The following KLRF1 variants were observed in gnomAD, a reference collection of about 807,000 sequenced individuals.
The protein encoded by KLRF1 is killer cell lectin-like receptor subfamily F member 1.
KLRF1 carries 27 observed loss-of-function variants against 30.7 expected under a neutral mutation model. The ratio of observed to expected loss-of-function variants is 0.88; its 90% CI spans 0.65 to 1.21. The LOEUF (loss-of-function observed/expected upper bound fraction) is 1.21, where lower values mean the gene tolerates loss of function less well. KLRF1 is among the 50% of genes most tolerant of loss of function. The pLI is 0.00. For missense variants in KLRF1, 246 were observed against 259.3 expected, an observed-to-expected ratio of 0.95 and a Z score of 0.35; for synonymous variants, 92 against 89.3, an observed-to-expected ratio of 1.03 and a Z score of -0.17.
At chr12:9,839,005 C>T (rs149880058) in intron 3 of KLRF1, among the ~76,000 whole-genome samples, 9 of 152,142 alleles carry the variant, frequency 5.9e-5, no homozygotes, top group South Asian at 2.1e-4. Context: ...GATTTGGAGA[C>T]GGGGTCTTTA....
upstream of KLRF1, among the ~76,000 whole-genome samples, chr12:9,826,658 G>T (rs1467814708): frequency 6.6e-6 from 1 of 152,070 alleles, no homozygotes; most frequent in Non-Finnish European, 1.5e-5. Context: ...AAGAAAATGT[G>T]ATACACATAT....
chr12:9,809,224 A>G, the KLRF1 span, among the ~76,000 whole-genome samples: 1 of 152,172 alleles, frequency 6.6e-6, no homozygotes. Context: ...GGGAAATTCA[A>G]TGACCAACAA....
chr12:9,843,602 T>C (rs1168320502), intron 5 of KLRF1, among the ~76,000 whole-genome samples: 1 of 152,188 alleles, frequency 6.6e-6, no homozygotes, highest in East Asian at 1.9e-4. Flanking sequence ...CTGAACGTCA[T>C]GAAGTTGCCC....
Position 9,835,901 on chromosome 12 carries a change from G to A in KLRF1, c.334+2449G>A, listed in dbSNP as rs1177836866. On this transcript the variant is annotated intron_variant, in intron 3 of 5. Transcript: ENST00000617889. ...GGGCGGCAGCTTGCTGATATGAAAT[G>A]TCTGGGGAGGTCTTGCTGGACCTGT... 2.6e-5 allele frequency among the ~76,000 whole-genome samples: 4 copies of A among 152,110 alleles called. No individual in the cohort carries two copies. The East Asian group carries it at 7.7e-4, about 29-fold the overall frequency.
At chr12:9,807,801 A>G in the KLRF1 span, among the ~76,000 whole-genome samples, 1 of 152,118 alleles carries the variant, frequency 6.6e-6, no homozygotes, top group Admixed American at 6.6e-5. Context: ...TTTGAAAGAT[A>G]ATACAGATAG....
In KLRF1 at chr12:9,844,671, T is replaced by C; in HGVS notation, c.*145T>C. ...CTTCTCCCTCCATCATCGACACTGG[T>C]CTAGCCTCAGAGTAACCCCTGTTAA... On this transcript the variant is annotated 3_prime_UTR_variant, in exon 6 of 6. Transcript: ENST00000617889. 1 of 548,114 alleles carries C rather than the reference T, an allele frequency of 1.8e-6. No homozygotes were observed. Among genetic ancestry groups the C allele is most frequent in the South Asian group, 2.2e-5 (1 of 46,236 alleles). 34.0% of individuals were successfully genotyped at this position (548,114 alleles called of 1,614,324 possible). A position where few individuals can be genotyped will look rare whatever the true frequency, so the allele number is the denominator to read the frequency against.
At chr12:9,829,102 A>G (rs1160591223) in intron 1 of KLRF1, among the ~76,000 whole-genome samples, 3 of 152,178 alleles carry the variant, frequency 2.0e-5, no homozygotes, top group African/African-American at 7.2e-5. Flanking sequence ...ATATTTGTAA[A>G]TCTTTTCTCA....
At chr12:9,816,165 C>T in the KLRF1 span, among the ~76,000 whole-genome samples, 7 of 152,324 alleles carry the variant, frequency 4.6e-5, no homozygotes, top group Non-Finnish European at 7.3e-5. Flanking sequence ...CGGAGCCCAA[C>T]GTGCAACAAG....
the KLRF1 span, among the ~76,000 whole-genome samples, chr12:9,811,262 C>G: frequency 7.7e-6 from 1 of 129,864 alleles, no homozygotes; most frequent in African/African-American, 3.0e-5. Flanking sequence ...CATCACACAT[C>G]AGACAACTGC....
At chr12:9,805,911 G>T in the KLRF1 span, among the ~76,000 whole-genome samples, 1 of 151,702 alleles carries the variant, frequency 6.6e-6, no homozygotes, top group Admixed American at 6.6e-5. Context: ...GGTATTTTCC[G>T]TATTTTCTTG....
chr12:9,841,921 TCTA>T lies in KLRF1; in HGVS notation c.448_450del (p.Leu150del). On this transcript the variant is annotated inframe_deletion, in exon 4 of 6. Coordinates refer to ENST00000617889, the MANE Select transcript of KLRF1 (RefSeq NM_016523.3). ...TGTATTGTTTGGAAAGAAAATCTCATCTACTAATCATACATGACCAACTTGAAA... is the reference window on the plus strand; with the variant it reads ...TGTATTGTTTGGAAAGAAAATCTCATCTAATCATACATGACCAACTTGAAA... The T allele has an allele frequency of 1.2e-6, 2 of 1,612,388 alleles. No homozygotes were observed. Among genetic ancestry groups the T allele is most frequent in the Non-Finnish European group, 8.5e-7 (1 of 1,178,924 alleles).
At chr12:9,805,027 T>C in the KLRF1 span, among the ~76,000 whole-genome samples, 7 of 152,010 alleles carry the variant, frequency 4.6e-5, no homozygotes, top group Non-Finnish European at 8.8e-5. Flanking sequence ...TAATATTTTA[T>C]TGACAATTTT....
At chr12:9,823,237 C>A (rs777552642), upstream of KLRF1, among the ~76,000 whole-genome samples, 2,794 of 123,118 alleles carry the variant, frequency 0.023, 82 homozygotes, top group African/African-American at 0.081. Flanking sequence ...AAAAAAAAAA[C>A]AAAAACTCAA....
At chr12:9,814,633 G>A in the KLRF1 span, among the ~76,000 whole-genome samples, 27 of 152,322 alleles carry the variant, frequency 1.8e-4, no homozygotes, top group Middle Eastern at 6.8e-3. Context: ...TGCACCATCA[G>A]GAGGCCTGAG....
the KLRF1 span, among the ~76,000 whole-genome samples, chr12:9,813,818 C>A: frequency 4.6e-5 from 7 of 152,272 alleles, no homozygotes; most frequent in Non-Finnish European, 1.0e-4. Flanking sequence ...ACCGCAGACT[C>A]CTGCAGTCGT....
chr12:9,800,547 A>G, the KLRF1 span, among the ~76,000 whole-genome samples: 1 of 152,104 alleles, frequency 6.6e-6, no homozygotes, highest in East Asian at 1.9e-4. Context: ...CCCACTTATA[A>G]GTGAGAACAT....
chr12:9,840,321 A>G (rs2121233550), intron 3 of KLRF1, among the ~76,000 whole-genome samples: 1 of 152,240 alleles, frequency 6.6e-6, no homozygotes, highest in South Asian at 2.1e-4. Flanking sequence ...GCACTTTAAA[A>G]TGGCTAAAAT....
chr12:9,820,113 A>G, the KLRF1 span, among the ~76,000 whole-genome samples: 4 of 151,658 alleles, frequency 2.6e-5, no homozygotes, highest in Admixed American at 2.6e-4. Flanking sequence ...ACTGGGTGTG[A>G]CCACCCAACT....
chr12:9,824,928 C>T (rs1282977427), upstream of KLRF1, among the ~76,000 whole-genome samples: 1 of 152,040 alleles, frequency 6.6e-6, no homozygotes, highest in Non-Finnish European at 1.5e-5. Flanking sequence ...TGAAAGAGCT[C>T]TACAAGGATA....
Sources: gnomAD v4.1 joint callset for allele counts (sites outside exome capture counted in the v4.1 genomes callset) on GRCh38, gnomAD v4.1.1 for gene constraint, MANE v1.5 for transcripts, NCBI Gene and HGNC (gene_info 2026-07-23, HGNC 2026-07-21) for gene names.